EFCAB6: variants seen among roughly 807,000 people sequenced by gnomAD.
The protein encoded by EFCAB6 is EF-hand calcium binding domain 6.
EFCAB6 carries 156 observed loss-of-function variants against 169.8 expected under a neutral mutation model. The ratio of observed to expected loss-of-function variants is 0.92; its 90% CI spans 0.81 to 1.05. The LOEUF is 1.05. Among genes scored for constraint, EFCAB6 ranks in the 50% least tolerant of loss-of-function variants. The pLI is 0.00. For missense variants in EFCAB6, 1,800 were observed against 1,829.1 expected (o/e 0.98, Z 0.29); for synonymous variants, 698 against 676.4 (o/e 1.03, Z -0.50).
chr22:43,619,716 A>G (rs994515030), intron 20 of EFCAB6, among the ~76,000 whole-genome samples: 1 of 152,226 alleles, frequency 6.6e-6, no homozygotes, highest in Non-Finnish European at 1.5e-5. Flanking sequence ...GAAAATAAAA[A>G]TAACATAGTC....
chr22:43,539,416 C>T (rs888106465), intron 28 of EFCAB6, among the ~76,000 whole-genome samples: 8 of 152,218 alleles, frequency 5.3e-5, no homozygotes, highest in African/African-American at 1.9e-4. Flanking sequence ...AAATACCCAG[C>T]ACACAGTAGG....
At chr22:43,620,154 G>GA (rs1185635372) in intron 20 of EFCAB6, among the ~76,000 whole-genome samples, 3 of 151,842 alleles carry the variant, frequency 2.0e-5, no homozygotes, top group Non-Finnish European at 4.4e-5. Context: ...CCTGTCTCTA[G>GA]AAAAAATAAA....
rs137802 is a variant in EFCAB6, at chr22:43,690,343, CAAAAAA to C, written c.1032-2768_1032-2763del. On this transcript the variant is annotated intron_variant, in intron 10 of 31. Coordinates refer to ENST00000262726, the MANE Select transcript of EFCAB6 (RefSeq NM_022785.4). ...TGAAACCCCGTCTCTACTAAAAATACAAAAAAAAAAAAAAAAAAAAAAATTAGCCGG... is the reference window on the plus strand; with the variant it reads ...TGAAACCCCGTCTCTACTAAAAATACAAAAAAAAAAAAAAAAATTAGCCGG... Among the ~76,000 whole-genome samples, 420 of 95,842 alleles carry C rather than the reference CAAAAAA, an allele frequency of 4.4e-3. 1 individual carries two copies. Among genetic ancestry groups the C allele is most frequent in the Non-Finnish European group, 6.8e-3 (340 of 49,814 alleles). 62.9% of individuals were successfully genotyped at this position (95,842 alleles called of 152,430 possible). A position where few individuals can be genotyped will look rare whatever the true frequency, so the allele number is the denominator to read the frequency against.
At chr22:43,637,581 A>G (rs74450542) in intron 17 of EFCAB6, among the ~76,000 whole-genome samples, 12,702 of 152,200 alleles carry the variant, frequency 0.083, 661 homozygotes, top group South Asian at 0.17. Flanking sequence ...GAAAAAAGGG[A>G]AGGGATGGAA....
At chr22:43,639,827 T>C (rs1370709295) in intron 17 of EFCAB6, among the ~76,000 whole-genome samples, 1 of 152,180 alleles carries the variant, frequency 6.6e-6, no homozygotes, top group Non-Finnish European at 1.5e-5. Flanking sequence ...ATTCTCTCTT[T>C]CTCTCTCTTT....
chr22:43,769,719 C>A (rs926190081), intron 4 of EFCAB6, among the ~76,000 whole-genome samples: 6 of 151,958 alleles, frequency 3.9e-5, no homozygotes, highest in Admixed American at 3.3e-4. Flanking sequence ...GTTGGAGGAG[C>A]CATCAAAGCC....
intron 2 of EFCAB6, among the ~76,000 whole-genome samples, chr22:43,791,847 G>A (rs2062303957): frequency 6.6e-6 from 1 of 152,174 alleles, no homozygotes; most frequent in Non-Finnish European, 1.5e-5. Context: ...CTGGTCTCAG[G>A]AGACATTTCT....
chr22:43,583,322 C>T (rs1325690248), intron 24 of EFCAB6, among the ~76,000 whole-genome samples: 3 of 151,372 alleles, frequency 2.0e-5, no homozygotes, highest in Non-Finnish European at 2.9e-5. Flanking sequence ...GAGATGCTTA[C>T]AGATTTCATG....
chr22:43,689,190 G>A (rs1382450864), intron 10 of EFCAB6, among the ~76,000 whole-genome samples: 1 of 151,932 alleles, frequency 6.6e-6, no homozygotes, highest in Non-Finnish European at 1.5e-5. Flanking sequence ...GCTAGCCATT[G>A]AGAACAAAAA....
At chr22:43,620,237 A>T (rs2054024378) in intron 20 of EFCAB6, among the ~76,000 whole-genome samples, 1 of 152,122 alleles carries the variant, frequency 6.6e-6, no homozygotes, top group African/African-American at 2.4e-5. Flanking sequence ...TGGACCTGGG[A>T]GGTCAAGGCT....
At chr22:43,655,153 A>G (rs1333926171) in intron 17 of EFCAB6, among the ~76,000 whole-genome samples, 1 of 152,160 alleles carries the variant, frequency 6.6e-6, no homozygotes, top group African/African-American at 2.4e-5. Flanking sequence ...GCTACTCGGG[A>G]GGCTGAGGCA....
intron 17 of EFCAB6, 99 bp from the exon 18 acceptor site, chr22:43,635,315 T>A: frequency 1.1e-6 from 1 of 872,836 alleles, no homozygotes; most frequent in Admixed American, 1.9e-5. Flanking sequence ...ACAGCAGGGC[T>A]CATGATTGTT....
chr22:43,663,700 C>A (rs903185191), intron 17 of EFCAB6, among the ~76,000 whole-genome samples: 4 of 152,178 alleles, frequency 2.6e-5, no homozygotes, highest in Non-Finnish European at 5.9e-5. Context: ...GTTTGTGTCT[C>A]CCCCAAATTC....
intron 2 of EFCAB6, among the ~76,000 whole-genome samples, chr22:43,801,634 T>C (rs2062719221): frequency 6.6e-6 from 1 of 152,224 alleles, no homozygotes; most frequent in East Asian, 1.9e-4. Flanking sequence ...TTGTTTATAT[T>C]CTTTTTTCTG....
intron 26 of EFCAB6, among the ~76,000 whole-genome samples, chr22:43,568,937 G>T (rs1311784302): frequency 6.6e-6 from 1 of 152,230 alleles, no homozygotes; most frequent in Non-Finnish European, 1.5e-5. Context: ...GTGGGGAAGG[G>T]GGCCCATGTG....
chr22:43,778,657 C>A (rs1221284842), intron 3 of EFCAB6, among the ~76,000 whole-genome samples: 1 of 152,188 alleles, frequency 6.6e-6, no homozygotes, highest in Non-Finnish European at 1.5e-5. Flanking sequence ...GCAGAGAGAT[C>A]TGTGGAGTCT....
chr22:43,745,338 G>A (rs138322499), intron 6 of EFCAB6, among the ~76,000 whole-genome samples: 3 of 152,316 alleles, frequency 2.0e-5, no homozygotes, highest in African/African-American at 4.8e-5. Flanking sequence ...TGGCACTAAC[G>A]TGGCCCTTCC....
intron 15 of EFCAB6, among the ~76,000 whole-genome samples, chr22:43,671,147 G>C (rs1218695867): frequency 6.6e-6 from 1 of 152,206 alleles, no homozygotes; most frequent in Non-Finnish European, 1.5e-5. Flanking sequence ...CCTAATGGCA[G>C]TGGGACTGCA....
At chr22:43,620,795 C>T (rs1018680726) in intron 20 of EFCAB6, among the ~76,000 whole-genome samples, 3 of 152,116 alleles carry the variant, frequency 2.0e-5, no homozygotes, top group African/African-American at 7.2e-5. Flanking sequence ...GACTTTAACA[C>T]TCCTCTCTTA....
Sources: gnomAD v4.1 joint callset for allele counts (sites outside exome capture counted in the v4.1 genomes callset) on GRCh38, gnomAD v4.1.1 for gene constraint, MANE v1.5 for transcripts, NCBI Gene and HGNC (gene_info 2026-07-23, HGNC 2026-07-21) for gene names.